The following CNIH3 variants were observed in gnomAD, a reference collection of about 807,000 sequenced individuals.
The protein encoded by CNIH3 is protein cornichon homolog 3.
Under a neutral mutation model 24.1 loss-of-function variants are expected in CNIH3, and 14 were observed. The observed-to-expected ratio is 0.58, with a 90% CI of 0.38 to 0.91. The LOEUF (loss-of-function observed/expected upper bound fraction) is 0.91, where lower values mean the gene tolerates loss of function less well. Among genes scored for constraint, CNIH3 ranks in the 40% least tolerant of loss-of-function variants. The pLI is 0.00. For missense variants in CNIH3, 178 were observed against 196.8 expected, an observed-to-expected ratio of 0.90 and a Z score of 0.57; for synonymous variants, 68 against 73.8, an observed-to-expected ratio of 0.92 and a Z score of 0.40.
At chr1:224,716,793 G>C (rs560282042) in intron 3 of CNIH3, among the ~76,000 whole-genome samples, 1 of 152,220 alleles carries the variant, frequency 6.6e-6, no homozygotes, top group African/African-American at 2.4e-5. Context: ...CTCTGCTATT[G>C]CTGTGGTCAC....
chr1:224,592,808 T>G (rs1358997686), downstream of CNIH3, among the ~76,000 whole-genome samples: 1 of 152,150 alleles, frequency 6.6e-6, no homozygotes, highest in African/African-American at 2.4e-5. Flanking sequence ...AGTAGGACGA[T>G]TCCCCTGACA....
chr1:224,696,477 T>C (rs564932953), intron 3 of CNIH3, among the ~76,000 whole-genome samples: 1 of 152,310 alleles, frequency 6.6e-6, no homozygotes, highest in East Asian at 1.9e-4. Context: ...AGGAAGTCGG[T>C]CAGCAGCGCA....
chr1:224,647,639 A>G lies in CNIH3; in HGVS notation c.81+30384A>G, dbSNP rs77870840. 2.2e-3 allele frequency among the ~76,000 whole-genome samples: 340 copies of G among 152,334 alleles called. 5 individuals carry two copies. The East Asian group carries it at 0.03, about 13-fold the overall frequency. On this transcript the variant is annotated intron_variant, in intron 1 of 5. Transcript: ENST00000272133. ...CCCTGTGGAGAAAGTGAAGCCTGGA[A>G]ACTTGGGAGAATGTGTGTTAACCCC...
At chr1:224,642,275 G>C (rs1038354682) in intron 1 of CNIH3, among the ~76,000 whole-genome samples, 1 of 152,138 alleles carries the variant, frequency 6.6e-6, no homozygotes, top group Non-Finnish European at 1.5e-5. Flanking sequence ...CTGTCTCCCA[G>C]GCTGGAGTAC....
At chr1:224,717,282 C>T (rs936761004) in intron 3 of CNIH3, among the ~76,000 whole-genome samples, 2 of 152,190 alleles carry the variant, frequency 1.3e-5, no homozygotes, top group African/African-American at 4.8e-5. Flanking sequence ...TCCTGATCTG[C>T]AGATGGCCAC....
chr1:224,721,447 C>G (rs1188180199), intron 3 of CNIH3, among the ~76,000 whole-genome samples: 2 of 152,156 alleles, frequency 1.3e-5, no homozygotes, highest in Non-Finnish European at 2.9e-5. Flanking sequence ...TTAAGAAGCT[C>G]TGAATTGCCA....
At chr1:224,447,418 G>A (rs1675213660) in intron 1 of CNIH3, among the ~76,000 whole-genome samples, 1 of 152,054 alleles carries the variant, frequency 6.6e-6, no homozygotes, top group Non-Finnish European at 1.5e-5. Flanking sequence ...TTCTATCTGG[G>A]CCCCCAGCCA....
At chr1:224,657,931 T>G (rs1685175858) in intron 1 of CNIH3, among the ~76,000 whole-genome samples, 1 of 152,240 alleles carries the variant, frequency 6.6e-6, no homozygotes. Flanking sequence ...ATAATCATAA[T>G]TATTACTGAT....
At chr1:224,708,361 C>G (rs1255203208) in intron 3 of CNIH3, among the ~76,000 whole-genome samples, 2 of 152,150 alleles carry the variant, frequency 1.3e-5, no homozygotes, top group Non-Finnish European at 2.9e-5. Context: ...TATCCAGCTC[C>G]TTTTTTCCCC....
At position 224,720,159 on chromosome 1, in the gene CNIH3, A is replaced by T. The variant is rs541632483; in HGVS notation, c.199-10303A>T. Among the ~76,000 whole-genome samples the T allele has an allele frequency of 2.6e-5, 4 of 151,796 alleles. No homozygotes were observed. In the East Asian group the frequency reaches 5.8e-4, roughly 22 times the overall value. ...AGAACTTCCCATTCTCATTCAATTCACCCTCTTTTGTTTGTTAGGGCAAAA... is the reference window on the plus strand; with the variant it reads ...AGAACTTCCCATTCTCATTCAATTCTCCCTCTTTTGTTTGTTAGGGCAAAA... On this transcript the variant is annotated intron_variant, in intron 3 of 5. Coordinates refer to ENST00000272133, the MANE Select transcript of CNIH3 (RefSeq NM_152495.2).
chr1:224,659,298 A>G (rs983848900), intron 1 of CNIH3, among the ~76,000 whole-genome samples: 20 of 152,250 alleles, frequency 1.3e-4, no homozygotes, highest in Non-Finnish European at 2.2e-4. Flanking sequence ...TAATAGCACA[A>G]GGACTTTAAA....
chr1:224,555,039 T>C (rs182985810), intron 3 of CNIH3, among the ~76,000 whole-genome samples: 180 of 152,244 alleles, frequency 1.2e-3, no homozygotes, highest in African/African-American at 4.3e-3. Flanking sequence ...TTGGTATTTG[T>C]TGGGGGTAGT....
chr1:224,608,233 C>T (rs1442173535), intron 3 of CNIH3, among the ~76,000 whole-genome samples: 2 of 152,198 alleles, frequency 1.3e-5, no homozygotes, highest in Admixed American at 6.5e-5. Context: ...CACAGTTTGA[C>T]CTTTGACTTG....
At chr1:224,571,543 GAT>G (rs1680816761) in intron 4 of CNIH3, among the ~76,000 whole-genome samples, 1 of 152,030 alleles carries the variant, frequency 6.6e-6, no homozygotes. Context: ...TGGCCAACAT[GAT>G]GAAACCCCGT....
At chr1:224,669,330 G>A (rs561699295) in intron 1 of CNIH3, among the ~76,000 whole-genome samples, 29 of 152,328 alleles carry the variant, frequency 1.9e-4, no homozygotes, top group African/African-American at 7.0e-4. Flanking sequence ...AGTGTCCTGT[G>A]TTTCCCAATT....
chr1:224,662,189 T>A (rs1329645824), intron 1 of CNIH3, among the ~76,000 whole-genome samples: 2 of 152,292 alleles, frequency 1.3e-5, no homozygotes, highest in East Asian at 3.9e-4. Flanking sequence ...GCAAAATAAT[T>A]TCAAGATTTT....
chr1:224,488,531 G>A (rs908364276), intron 1 of CNIH3, among the ~76,000 whole-genome samples: 1 of 151,988 alleles, frequency 6.6e-6, no homozygotes, highest in Non-Finnish European at 1.5e-5. Context: ...CACAATCATA[G>A]CTCATTATAG....
rs566638532 is a variant in CNIH3, at chr1:224,441,680, T to C, written n.203+6818T>C. On this transcript the variant is annotated intron_variant and non_coding_transcript_variant, in intron 1 of 5. Coordinates refer to the CNIH3 transcript ENST00000471578. ...GTGTATGCATCCCCTGTAGATGTAA[T>C]GGACCAATAACTAGGCATTTAAAAC... is the stretch of plus-strand genomic sequence containing the variant. Among the ~76,000 whole-genome samples, 6 of 152,330 alleles carry C rather than the reference T, an allele frequency of 3.9e-5. No homozygotes were observed. In the East Asian group the frequency reaches 7.7e-4, roughly 20 times the overall value.
chr1:224,499,208 G>C lies in CNIH3; in HGVS notation n.204-16533G>C, dbSNP rs182648675. Among the ~76,000 whole-genome samples, 10 of 152,244 alleles carry C rather than the reference G, an allele frequency of 6.6e-5. No homozygotes were observed. The East Asian group carries it at 1.9e-3, about 29-fold the overall frequency. ...GTTTTAAAATTAAAAATTTCCTGTT[G>C]TTTGAAGCTTCTATGACAACTGGGT... On this transcript the variant is annotated intron_variant and non_coding_transcript_variant, in intron 1 of 5. Coordinates refer to the CNIH3 transcript ENST00000471578.
Sources: allele counts gnomAD v4.1 joint callset (sites outside exome capture counted in the v4.1 genomes callset), GRCh38; gene constraint gnomAD v4.1.1; transcripts MANE v1.5; gene names NCBI Gene and HGNC (gene_info 2026-07-23, HGNC 2026-07-21).